Variants in MAP4K4 observed in about 807,000 individuals in gnomAD.
MAP4K4 encodes mitogen-activated protein kinase kinase kinase kinase 4.
MAP4K4 carries 38 observed loss-of-function variants against 189.6 expected under a neutral mutation model. The ratio of observed to expected loss-of-function variants is 0.20; its 90% CI spans 0.15 to 0.26. MAP4K4 has a LOEUF of 0.26. Among genes scored for constraint, MAP4K4 ranks in the 10% least tolerant of loss-of-function variants. The probability of loss-of-function intolerance (pLI) is 1.00; values close to 1 mark genes in which losing one functional copy is unlikely to be tolerated. For missense variants in MAP4K4, 1,054 were observed against 1,726.9 expected (o/e 0.61, Z 6.91); for synonymous variants, 610 against 624.3 (o/e 0.98, Z 0.34).
chr2:101,698,281 T>G (rs912225812), intron 1 of MAP4K4, 144 bp downstream of exon 1: 2 of 516,986 alleles, frequency 3.9e-6, no homozygotes, highest in Middle Eastern at 4.8e-4. Context: ...CTGTGCGGGC[T>G]GGTGCGGGGC....
intron 22 of MAP4K4, 139 bp from the exon 23 acceptor site, chr2:101,870,156 T>A: frequency 1.2e-6 from 1 of 820,664 alleles, no homozygotes; most frequent in Non-Finnish European, 1.9e-6. Flanking sequence ...GGGAGAAAGC[T>A]AAGCAGTTGC....
At chr2:101,713,086 G>A (rs1559053515) in intron 2 of MAP4K4, among the ~76,000 whole-genome samples, 1 of 150,858 alleles carries the variant, frequency 6.6e-6, no homozygotes, top group Admixed American at 6.6e-5. Flanking sequence ...TGTATTTTTA[G>A]TAGAGACGGG....
intron 3 of MAP4K4, among the ~76,000 whole-genome samples, chr2:101,812,956 C>T (rs55735247): frequency 0.098 from 14,825 of 152,026 alleles, 2,069 homozygotes; most frequent in African/African-American, 0.31. Context: ...GGTGAAACCC[C>T]GTCTCTACTA....
Position 101,840,457 on chromosome 2 carries a change from CTT to C in MAP4K4, c.949+465_949+466del, listed in dbSNP as rs1229351403. ...ATGGGCCACATGCATAGTCAGATGA[CTT>C]TGCTTTAAGTAGCATGCATAACACA... On this transcript the variant is annotated intron_variant, in intron 10 of 32. Coordinates refer to ENST00000324219, the Ensembl canonical transcript of MAP4K4. Among the ~76,000 whole-genome samples the C allele has an allele frequency of 1.3e-5, 2 of 152,310 alleles. 1 individual carries two copies. The highest frequency in any genetic ancestry group is 4.1e-4 in the South Asian group (2 of 4,834).
chr2:101,832,748 T>C (rs2096626246), intron 7 of MAP4K4, among the ~76,000 whole-genome samples: 1 of 152,172 alleles, frequency 6.6e-6, no homozygotes, highest in South Asian at 2.1e-4. Context: ...CAAGGCAATG[T>C]ATTTGGTTAT....
chr2:101,769,248 G>A (rs1464515700), intron 2 of MAP4K4, among the ~76,000 whole-genome samples: 1 of 152,090 alleles, frequency 6.6e-6, no homozygotes, highest in Non-Finnish European at 1.5e-5. Context: ...AAATAAAAAG[G>A]TAGAATGAGT....
intron 3 of MAP4K4, among the ~76,000 whole-genome samples, chr2:101,801,491 A>G (rs965702175): frequency 1.3e-5 from 2 of 152,194 alleles, no homozygotes; most frequent in African/African-American, 2.4e-5. Flanking sequence ...GACTCAGTGC[A>G]TTGAATTTTT....
intron 2 of MAP4K4, among the ~76,000 whole-genome samples, chr2:101,769,835 G>T (rs944830522): frequency 6.6e-6 from 1 of 152,080 alleles, no homozygotes; most frequent in South Asian, 2.1e-4. Context: ...ACCCACCTTG[G>T]CCTCCTAGAG....
chr2:101,765,268 CA>C (rs946164153), intron 2 of MAP4K4, among the ~76,000 whole-genome samples: 3 of 151,844 alleles, frequency 2.0e-5, no homozygotes. Context: ...TTGGGTAATA[CA>C]AGGATTGTTG....
exon 12 of MAP4K4, chr2:101,844,248 A>G (rs766792124): frequency 3.2e-6 from 5 of 1,583,966 alleles, no homozygotes; most frequent in Admixed American, 1.8e-5. Flanking sequence ...ATAAAAGGCA[A>G]CTGCTGGCAG....
intron 2 of MAP4K4, among the ~76,000 whole-genome samples, chr2:101,724,008 C>T (rs1365991271): frequency 2.0e-5 from 3 of 152,164 alleles, no homozygotes; most frequent in African/African-American, 7.2e-5. Context: ...TGATGACTAG[C>T]CAGATAGTGA....
chr2:101,789,309 G>A (rs1002550854), intron 2 of MAP4K4, among the ~76,000 whole-genome samples: 4 of 152,186 alleles, frequency 2.6e-5, no homozygotes, highest in Non-Finnish European at 4.4e-5. Context: ...TTTAGGTTGT[G>A]TTGGCAGTCA....
At chr2:101,846,681 T>C (rs774832055) in intron 12 of MAP4K4, among the ~76,000 whole-genome samples, 10 of 152,352 alleles carry the variant, frequency 6.6e-5, no homozygotes, top group Non-Finnish European at 1.2e-4. Context: ...GTGCTTGTCA[T>C]GTTTTAATTA....
At chr2:101,823,872 G>A (rs1379098836) in intron 3 of MAP4K4, 56 bp from the exon 4 acceptor site, 12 of 1,483,036 alleles carry the variant, frequency 8.1e-6, no homozygotes, top group Non-Finnish European at 1.0e-5. Context: ...TGTGGGGGAA[G>A]TAAAGTCATT....
chr2:101,714,945 A>G (rs1445411185), intron 2 of MAP4K4, among the ~76,000 whole-genome samples: 1 of 152,226 alleles, frequency 6.6e-6, no homozygotes, highest in East Asian at 1.9e-4. Context: ...ATAATTTTTC[A>G]CTATTCAGAG....
At chr2:101,703,670 T>TG (rs2040346057) in intron 2 of MAP4K4, among the ~76,000 whole-genome samples, 1 of 150,020 alleles carries the variant, frequency 6.7e-6, no homozygotes, top group Non-Finnish European at 1.5e-5. Flanking sequence ...GTGCTAAAAT[T>TG]GCTTTCGATT....
At chr2:101,822,132 A>G (rs1388065589) in intron 3 of MAP4K4, among the ~76,000 whole-genome samples, 1 of 152,228 alleles carries the variant, frequency 6.6e-6, no homozygotes, top group Non-Finnish European at 1.5e-5. Context: ...TGTTTAAATA[A>G]ATAGGAGTAC....
chr2:101,747,927 T>G (rs1257097622), intron 2 of MAP4K4, among the ~76,000 whole-genome samples: 1 of 152,198 alleles, frequency 6.6e-6, no homozygotes, highest in Non-Finnish European at 1.5e-5. Context: ...GCTCTGTAGG[T>G]GCTTGAGGAA....
At chr2:101,841,344 A>AT (rs2149546815) in intron 10 of MAP4K4, among the ~76,000 whole-genome samples, 1 of 152,378 alleles carries the variant, frequency 6.6e-6, no homozygotes, top group South Asian at 2.1e-4. Flanking sequence ...TGAAGCTAGC[A>AT]TAATCTATTA....
Sources: allele counts gnomAD v4.1 joint callset (sites outside exome capture counted in the v4.1 genomes callset), GRCh38; gene constraint gnomAD v4.1.1; transcripts MANE v1.5; gene names NCBI Gene and HGNC (gene_info 2026-07-23, HGNC 2026-07-21).